Variants in STPG2 observed in about 807,000 individuals in gnomAD.
STPG2 encodes the protein sperm tail PG-rich repeat containing 2, also known as sperm-tail PG-rich repeat-containing protein 2.
STPG2 carries 56 observed loss-of-function variants against 54.2 expected under a neutral mutation model. The ratio of observed to expected loss-of-function variants is 1.03; its 90% CI spans 0.83 to 1.29. The LOEUF is 1.29. Among genes scored for constraint, STPG2 ranks in the 50% most tolerant of loss-of-function variants. STPG2 has a pLI of 0.00. For synonymous variants in STPG2, 200 were observed against 181.8 expected (o/e 1.10, Z -0.81); for missense variants, 596 against 544.9 (o/e 1.09, Z -0.93).
At chr4:97,659,772 T>C (rs753291685) in intron 10 of STPG2, among the ~76,000 whole-genome samples, 14 of 152,156 alleles carry the variant, frequency 9.2e-5, no homozygotes, top group Non-Finnish European at 2.1e-4. Context: ...AAATAGTAAG[T>C]GGCCAAGAAA....
chr4:97,626,707 T>C (rs1393180875), intron 10 of STPG2, among the ~76,000 whole-genome samples: 1 of 152,210 alleles, frequency 6.6e-6, no homozygotes, highest in East Asian at 1.9e-4. Context: ...TATCCTCCTC[T>C]TCCATTTTCA....
chr4:98,121,812 C>A (rs1210918593), intron 3 of STPG2, among the ~76,000 whole-genome samples: 1 of 152,018 alleles, frequency 6.6e-6, no homozygotes, highest in Non-Finnish European at 1.5e-5. Flanking sequence ...ACTTCCACCT[C>A]CAGGGTTCAA....
At chr4:97,909,486 C>T (rs1253818671) in intron 8 of STPG2, among the ~76,000 whole-genome samples, 1 of 152,070 alleles carries the variant, frequency 6.6e-6, no homozygotes, top group African/African-American at 2.4e-5. Context: ...TGACATCAAA[C>T]CCTAACAAGG....
intron 9 of STPG2, among the ~76,000 whole-genome samples, chr4:97,746,867 T>C (rs923889778): frequency 6.6e-6 from 1 of 151,306 alleles, no homozygotes; most frequent in Non-Finnish European, 1.5e-5. Context: ...TTACAGTGTC[T>C]ATTGCTATAT....
At chr4:98,012,361 T>G (rs1407807762) in intron 5 of STPG2, among the ~76,000 whole-genome samples, 1 of 152,228 alleles carries the variant, frequency 6.6e-6, no homozygotes. Flanking sequence ...AGCCTTGCAG[T>G]ATAGTGTGAA....
chr4:97,564,061 A>G (rs1732344494), intron 10 of STPG2, among the ~76,000 whole-genome samples: 1 of 152,068 alleles, frequency 6.6e-6, no homozygotes, highest in Non-Finnish European at 1.5e-5. Context: ...TTATTGTGTG[A>G]GAGTCTAAGT....
intron 9 of STPG2, among the ~76,000 whole-genome samples, chr4:97,742,172 C>G (rs940318991): frequency 2.0e-5 from 3 of 151,680 alleles, no homozygotes; most frequent in Non-Finnish European, 4.4e-5. Flanking sequence ...AATGAGAACA[C>G]ATGGACACAG....
At chr4:97,954,272 G>A (rs1052684001) in intron 7 of STPG2, among the ~76,000 whole-genome samples, 4 of 152,184 alleles carry the variant, frequency 2.6e-5, no homozygotes, top group Admixed American at 6.5e-5. Context: ...AGAAGCCTAC[G>A]ATTCTGATGA....
intron 7 of STPG2, among the ~76,000 whole-genome samples, chr4:97,962,945 G>A (rs1169591806): frequency 1.3e-5 from 2 of 151,952 alleles, no homozygotes; most frequent in Admixed American, 6.6e-5. Flanking sequence ...TGGATCATGA[G>A]GTCAGGAGTT....
chr4:98,049,306 T>C (rs936979220), intron 5 of STPG2, among the ~76,000 whole-genome samples: 32 of 152,164 alleles, frequency 2.1e-4, no homozygotes, highest in Admixed American at 1.4e-3. Flanking sequence ...CTATAAAACT[T>C]TGGTTGAATT....
rs1733099459 is a variant in STPG2 at position 97,943,931 on chromosome 4, G to C, written c.1010C>G (p.Ser337Ter). 1.9e-6 allele frequency: 3 copies of C among 1,591,136 alleles called. No homozygotes were observed. Among genetic ancestry groups the C allele is most frequent in the African/African-American group, 1.4e-5 (1 of 73,216 alleles). ...TACTTTCATAGTTCTTTTGGCTCTTGACAAGAAAGCAGCATATTTGTTAGT... is the reference window on the plus strand; with the variant it reads ...TACTTTCATAGTTCTTTTGGCTCTTCACAAGAAAGCAGCATATTTGTTAGT... ...NLTNKYAAFL[S>*]RAKRTMKVPD... The change falls in exon 8 of 11, where the codon TCA (serine) becomes TGA (stop). Residue 337 changes from serine (S) to a stop codon, truncating the protein, a stop_gained. Coordinates refer to ENST00000295268, the MANE Select transcript of STPG2 (RefSeq NM_174952.3). LOFTEE classifies it high-confidence loss of function.
chr4:97,737,810 T>C (rs962770727), intron 9 of STPG2, among the ~76,000 whole-genome samples: 3 of 152,142 alleles, frequency 2.0e-5, no homozygotes, highest in African/African-American at 7.2e-5. Context: ...CAGGAGAACT[T>C]CCCCAATCTA....
At chr4:97,528,542 A>C (rs750903342) in intron 4 of STPG2, among the ~76,000 whole-genome samples, 1 of 152,168 alleles carries the variant, frequency 6.6e-6, no homozygotes, top group Non-Finnish European at 1.5e-5. Context: ...TAAGAAAGCC[A>C]ATGGTACCTT....
chr4:98,105,315 GTAGAGCT>G (rs1156922241), intron 5 of STPG2, among the ~76,000 whole-genome samples: 1 of 152,158 alleles, frequency 6.6e-6, no homozygotes, highest in Non-Finnish European at 1.5e-5. Flanking sequence ...GGGGTCCAAA[GTAGAGCT>G]TCTAATGACC....
intron 8 of STPG2, among the ~76,000 whole-genome samples, chr4:97,849,928 C>G (rs916571261): frequency 1.3e-4 from 20 of 151,988 alleles, no homozygotes; most frequent in African/African-American, 4.6e-4. Context: ...TGGGTATATA[C>G]CCAAAGGATT....
At chr4:97,468,956 A>G (rs548267259) in intron 4 of STPG2, among the ~76,000 whole-genome samples, 11 of 152,236 alleles carry the variant, frequency 7.2e-5, no homozygotes, top group Admixed American at 1.3e-4. Flanking sequence ...CACAGATATA[A>G]AAACTACAAC....
intron 4 of STPG2, among the ~76,000 whole-genome samples, chr4:97,496,553 A>G (rs1578343365): frequency 6.6e-6 from 1 of 151,936 alleles, no homozygotes; most frequent in South Asian, 2.1e-4. Flanking sequence ...CCAGCAAAAT[A>G]GATTGCATAA....
At chr4:98,074,812 C>A (rs1364153750) in intron 5 of STPG2, among the ~76,000 whole-genome samples, 1 of 152,124 alleles carries the variant, frequency 6.6e-6, no homozygotes, top group Non-Finnish European at 1.5e-5. Flanking sequence ...CTGTTAAATT[C>A]TTCATCTCTT....
chr4:97,968,059 A>G (rs568636416), intron 7 of STPG2, among the ~76,000 whole-genome samples: 2 of 152,292 alleles, frequency 1.3e-5, no homozygotes, highest in South Asian at 4.1e-4. Context: ...CAAAAAATCA[A>G]TGAATCCAGG....
Sources: allele counts gnomAD v4.1 joint callset (sites outside exome capture counted in the v4.1 genomes callset), GRCh38; gene constraint gnomAD v4.1.1; transcripts MANE v1.5; gene names NCBI Gene and HGNC (gene_info 2026-07-23, HGNC 2026-07-21).